Variants in SPTBN1 observed in about 807,000 individuals in gnomAD.
The protein encoded by SPTBN1 is spectrin beta, non-erythrocytic 1.
In SPTBN1, 32 loss-of-function variants were observed where a neutral mutation model predicts 266.4. The observed-to-expected ratio is 0.12, with a 90% confidence interval of 0.09 to 0.16. The LOEUF (loss-of-function observed/expected upper bound fraction) is 0.16. Among genes scored for constraint, SPTBN1 ranks in the 10% least tolerant of loss-of-function variants. SPTBN1 has a pLI of 1.00. For synonymous variants in SPTBN1, 1,336 were observed against 1,162.2 expected, an observed-to-expected ratio of 1.15 and a Z score of -3.04; for missense variants, 2,296 against 3,067.1, an observed-to-expected ratio of 0.75 and a Z score of 5.94.
chr2:54,615,948 C>G (rs140017551), intron 4 of SPTBN1, among the ~76,000 whole-genome samples: 27 of 152,302 alleles, frequency 1.8e-4, no homozygotes, highest in Admixed American at 2.6e-4. Context: ...TGGGTTGTCT[C>G]AGGGGTAAAA....
intron 2 of SPTBN1, among the ~76,000 whole-genome samples, chr2:54,575,132 T>C (rs891781197): frequency 6.6e-6 from 1 of 152,178 alleles, no homozygotes; most frequent in African/African-American, 2.4e-5. Flanking sequence ...TATACATCCA[T>C]CAGCACATGG....
rs541237225 is a variant in SPTBN1 at position 54,628,910 on chromosome 2, G to T, written c.1799-23G>T. The T allele has an allele frequency of 1.3e-6, 2 of 1,558,860 alleles. No homozygotes were observed. The highest frequency in any genetic ancestry group is 1.9e-5 in the Admixed American group (1 of 53,112). On this transcript the variant is annotated intron_variant, in intron 13 of 35. Coordinates refer to ENST00000356805, the MANE Select transcript of SPTBN1 (RefSeq NM_003128.3). The surrounding 1 kb of genome is among the most constrained non-coding windows in gnomAD (Gnocchi z 4.3). ...ATGCTGAGCTCCCTCACACAGCCAC[G>T]TTCCTTCCTTGATGTTAAACAGGTT...
chr2:54,569,662 C>G (rs1191577873), intron 2 of SPTBN1, among the ~76,000 whole-genome samples: 1 of 152,166 alleles, frequency 6.6e-6, no homozygotes, highest in Non-Finnish European at 1.5e-5. Flanking sequence ...CAATTACTTA[C>G]CAGTCTGAGA....
intron 2 of SPTBN1, chr2:54,557,984 TAG>T (rs1672992433): frequency 4.1e-6 from 4 of 983,740 alleles, no homozygotes; most frequent in African/African-American, 1.8e-5. Context: ...CAGCAGACGC[TAG>T]AGAGTGAATG....
intron 1 of SPTBN1, among the ~76,000 whole-genome samples, chr2:54,475,292 G>A (rs1173433122): frequency 6.6e-6 from 1 of 152,158 alleles, no homozygotes; most frequent in African/African-American, 2.4e-5. Context: ...AAAGCTTAGG[G>A]CCTTCCGTTT....
chr2:54,457,369 C>A, intron 1 of SPTBN1: 1 of 152,450 alleles, frequency 6.6e-6, no homozygotes, highest in Non-Finnish European at 1.5e-5. Context: ...TTAGGGGGCG[C>A]CTTCTCTTTG....
intron 17 of SPTBN1, among the ~76,000 whole-genome samples, chr2:54,634,371 C>T (rs1678969359): frequency 1.3e-5 from 2 of 152,204 alleles, no homozygotes; most frequent in Admixed American, 1.3e-4. Flanking sequence ...GACCAAGAGC[C>T]TGGGCTACTG....
chr2:54,529,239 C>T (rs1195612668), intron 2 of SPTBN1: 28 of 373,804 alleles, frequency 7.5e-5, no homozygotes, highest in South Asian at 4.8e-4. Flanking sequence ...CCCCTTCCTT[C>T]GGTGTTTGAG....
chr2:54,597,995 C>T (rs1156423505), intron 2 of SPTBN1, among the ~76,000 whole-genome samples: 2 of 145,404 alleles, frequency 1.4e-5, no homozygotes, highest in Non-Finnish European at 3.0e-5. Flanking sequence ...GTGTATGTAA[C>T]ATAGAGAACA....
intron 2 of SPTBN1, chr2:54,529,456 AAAG>A: frequency 2.8e-6 from 2 of 713,400 alleles, no homozygotes; most frequent in Non-Finnish European, 5.2e-6. Flanking sequence ...GCCACAAAAA[AAAG>A]AAGATCCGCA....
intron 1 of SPTBN1, among the ~76,000 whole-genome samples, chr2:54,524,051 T>C (rs1258015959): frequency 6.6e-6 from 1 of 151,650 alleles, no homozygotes; most frequent in Admixed American, 6.6e-5. Context: ...ATACAGAAAT[T>C]AGCTGGGCAT....
At chr2:54,576,184 A>T (rs1292279187) in intron 2 of SPTBN1, among the ~76,000 whole-genome samples, 1 of 149,956 alleles carries the variant, frequency 6.7e-6, no homozygotes, top group African/African-American at 2.5e-5. Flanking sequence ...CCTCCCCAGT[A>T]GCTGGGATTA....
chr2:54,568,370 A>AG lies in SPTBN1; in HGVS notation c.149-30722_149-30721insG, dbSNP rs1168017051. On this transcript the variant is annotated intron_variant, in intron 2 of 35. Transcript: ENST00000356805. ...GTCTCAAAAAAAAAAAAAAAAAAAA[A>AG]AAGAAGAAGAAGCACTGCCTTGGAA... Among the ~76,000 whole-genome samples, 1,031 of 136,110 alleles carry AG rather than the reference A, an allele frequency of 7.6e-3. 7 individuals are homozygous for AG. Among genetic ancestry groups the AG allele is most frequent in the African/African-American group, 0.025 (967 of 39,160 alleles). The allele number at this position is 136,110 out of a possible 152,430, so 89.3% of individuals were successfully genotyped here. A position where few individuals can be genotyped will look rare whatever the true frequency, so the allele number is the denominator to read the frequency against.
chr2:54,558,020 G>T lies in SPTBN1; in HGVS notation c.148+31454G>T. On this transcript the variant is annotated intron_variant, in intron 2 of 35. Transcript: ENST00000356805. The surrounding 1 kb of genome is among the most constrained non-coding windows in gnomAD (Gnocchi z 4.6). ...TGAGCCGCGCGGGCCCGGGACCCTTGGGGCTCTTCACTCTCCAGGCCGTCC... is the reference window on the plus strand; with the variant it reads ...TGAGCCGCGCGGGCCCGGGACCCTTTGGGCTCTTCACTCTCCAGGCCGTCC... 1 of 985,430 alleles carries T rather than the reference G, an allele frequency of 1.0e-6. No homozygotes were observed. The highest frequency in any genetic ancestry group is 6.1e-5 in the Admixed American group (1 of 16,292). The allele number at this position is 985,430 out of a possible 1,614,324, so 61.0% of individuals were successfully genotyped here.
At chr2:54,469,475 T>C (rs1438306870) in intron 1 of SPTBN1, among the ~76,000 whole-genome samples, 1 of 152,166 alleles carries the variant, frequency 6.6e-6, no homozygotes, top group Non-Finnish European at 1.5e-5. Flanking sequence ...AAGGGATTCT[T>C]CTGAAACTCC....
At chr2:54,494,942 A>G (rs957956056) in intron 1 of SPTBN1, among the ~76,000 whole-genome samples, 5 of 151,980 alleles carry the variant, frequency 3.3e-5, no homozygotes, top group African/African-American at 1.2e-4. Context: ...GTCCTGAAAA[A>G]AGTTCTGTCT....
chr2:54,499,266 T>C (rs1669130262), intron 1 of SPTBN1, among the ~76,000 whole-genome samples: 1 of 152,264 alleles, frequency 6.6e-6, no homozygotes, highest in Admixed American at 6.5e-5. Context: ...AGTTGGAAAC[T>C]AATGTTGCTT....
chr2:54,508,322 G>A (rs2104190199), intron 1 of SPTBN1, among the ~76,000 whole-genome samples: 1 of 152,296 alleles, frequency 6.6e-6, no homozygotes, highest in South Asian at 2.1e-4. Flanking sequence ...AGGTATTTTA[G>A]TTTCCTGACT....
chr2:54,552,241 T>TAGA (rs1468068677), intron 2 of SPTBN1, among the ~76,000 whole-genome samples: 2 of 152,204 alleles, frequency 1.3e-5, no homozygotes, highest in African/African-American at 4.8e-5. Context: ...TTGAAATTTC[T>TAGA]CCTATGAGGA....
Sources: gnomAD v4.1 joint callset for allele counts (sites outside exome capture counted in the v4.1 genomes callset) on GRCh38, gnomAD v4.1.1 for gene constraint, Gnocchi (gnomAD v3.1) non-coding constraint, MANE v1.5 for transcripts, NCBI Gene and HGNC (gene_info 2026-07-23, HGNC 2026-07-21) for gene names.